The following USP33 variants were observed in gnomAD, a reference collection of about 807,000 sequenced individuals.
USP33 encodes ubiquitin specific peptidase 33, also known as ubiquitin carboxyl-terminal hydrolase 33.
USP33 carries 46 observed loss-of-function variants against 124.2 expected under a neutral mutation model. The ratio of observed to expected loss-of-function variants is 0.37; its 90% CI spans 0.29 to 0.47. USP33 has a LOEUF of 0.47. Among genes scored for constraint, USP33 ranks in the 20% least tolerant of loss-of-function variants. USP33 has a pLI of 0.99. For synonymous variants in USP33, 350 were observed against 352.3 expected (o/e 0.99, Z 0.07); for missense variants, 851 against 1,070.6 (o/e 0.79, Z 2.86).
chr1:77,700,997 C>T (rs952559704), intron 22 of USP33, among the ~76,000 whole-genome samples: 1 of 152,192 alleles, frequency 6.6e-6, no homozygotes, highest in African/African-American at 2.4e-5. Flanking sequence ...CCGTGCCTGG[C>T]ACATATCAGA....
chr1:77,735,474 A>C lies in USP33; in HGVS notation c.454+582T>G, dbSNP rs533554566. 9.8e-5 allele frequency among the ~76,000 whole-genome samples: 15 copies of C among 152,344 alleles called. No individual in the cohort carries two copies. The East Asian group carries it at 2.7e-3, about 27-fold the overall frequency. On this transcript the variant is annotated intron_variant, in intron 6 of 23. Transcript: ENST00000370794. The stretch of plus-strand genomic sequence containing the variant: ...TTAATGGGTTAAAACTGGGAAATAC[A>C]TAAAATATTTATAACTTATCTCTAG...
chr1:77,702,864 C>T (rs796384805), intron 21 of USP33, among the ~76,000 whole-genome samples: 3 of 151,696 alleles, frequency 2.0e-5, no homozygotes, highest in East Asian at 3.9e-4. Flanking sequence ...AAAAGAGGCT[C>T]GGGAAAATTA....
At chr1:77,734,466 C>G (rs751686354) in intron 6 of USP33, 50 bp from the exon 7 acceptor site, 1 of 1,243,618 alleles carries the variant, frequency 8.0e-7, no homozygotes, top group Non-Finnish European at 1.1e-6. Context: ...TGCAAAATGA[C>G]TCAATTTTAG....
chr1:77,720,821 G>C (rs1033699280), intron 15 of USP33, among the ~76,000 whole-genome samples: 1 of 152,124 alleles, frequency 6.6e-6, no homozygotes, highest in Non-Finnish European at 1.5e-5. Flanking sequence ...ATAACCTTTA[G>C]GAATTTTATG....
chr1:77,723,365 A>T lies in USP33; in HGVS notation c.1355T>A (p.Ile452Asn). Residue 452 changes from isoleucine (I) to asparagine (N), a missense_variant, in exon 12 of 24, where the codon ATC becomes AAC. By Grantham distance (149) the Ile-to-Asn change is moderately radical. This residue lies in a region of USP33 where 281 missense variants were observed against 425.0 expected (regional missense o/e 0.66). Coordinates refer to ENST00000370794, the MANE Select transcript of USP33 (RefSeq NM_201624.3). ...AGTCAGACACTGCACTGAACTAATGATTGTTCCATCAAATATGTCTGAAAT... is the reference window on the plus strand; with the variant it reads ...AGTCAGACACTGCACTGAACTAATGTTTGTTCCATCAAATATGTCTGAAAT... ...SVISDIFDGT[I>N]ISSVQCLTCD... is the part of the protein sequence containing the mutation. 1 of 1,613,238 alleles carries T rather than the reference A, an allele frequency of 6.2e-7. No homozygotes were observed. Among genetic ancestry groups the T allele is most frequent in the African/African-American group, 1.3e-5 (1 of 74,996 alleles).
rs1301332907 is a variant in USP33, at chr1:77,715,880, G to A, written c.1919-12C>T. 2.2e-5 allele frequency: 35 copies of A among 1,606,684 alleles called. No individual in the cohort carries two copies. The highest frequency in any genetic ancestry group is 2.7e-5 in the African/African-American group (2 of 74,678). On this transcript the variant is annotated splice_polypyrimidine_tract_variant and intron_variant, in intron 17 of 23. Coordinates refer to ENST00000370794, the MANE Select transcript of USP33 (RefSeq NM_201624.3). ...TATATAGTGTCCACCTGAATTTGAG[G>A]GAAAAGAAATCATTACAGTAATACA...
intron 19 of USP33, among the ~76,000 whole-genome samples, chr1:77,713,890 A>C (rs1286082899): frequency 6.6e-6 from 1 of 152,212 alleles, no homozygotes; most frequent in African/African-American, 2.4e-5. Flanking sequence ...AAGAACGGTA[A>C]TTATAAAGCA....
Position 77,723,313 on chromosome 1 carries a change from T to C in USP33, c.1389+18A>G, listed in dbSNP as rs1224943087. ...TTTGACACGAATTTTCTGTGTATTC[T>C]AATACCCTCATACTCACCCTGTCAC... On this transcript the variant is annotated intron_variant, in intron 12 of 23. Coordinates refer to ENST00000370794, the MANE Select transcript of USP33 (RefSeq NM_201624.3). 3 of 1,537,968 alleles carry C rather than the reference T, an allele frequency of 2.0e-6. No homozygotes were observed. Among genetic ancestry groups the C allele is most frequent in the South Asian group, 1.1e-5 (1 of 87,030 alleles).
At chr1:77,699,919 A>T (rs1245774098) in intron 22 of USP33, among the ~76,000 whole-genome samples, 1 of 152,192 alleles carries the variant, frequency 6.6e-6, no homozygotes, top group Non-Finnish European at 1.5e-5. Context: ...GGAAGCCATT[A>T]TCCTCAGCAA....
intron 21 of USP33, 107 bp downstream of exon 21, chr1:77,711,640 C>A: frequency 6.6e-7 from 1 of 1,511,604 alleles, no homozygotes; most frequent in South Asian, 1.4e-5. Flanking sequence ...CACTTGAAAT[C>A]TATTACAACT....
intron 17 of USP33, 126 bp from the exon 18 acceptor site, chr1:77,715,994 T>C (rs1675835969): frequency 1.9e-6 from 2 of 1,065,342 alleles, no homozygotes; most frequent in Non-Finnish European, 2.6e-6. Context: ...GCTTGTATTT[T>C]TTTTTCAGTT....
chr1:77,738,637 C>T (rs1360261319), intron 5 of USP33, among the ~76,000 whole-genome samples: 1 of 152,060 alleles, frequency 6.6e-6, no homozygotes. Context: ...CCCGCCACCA[C>T]ACCCGGCTAA....
At chr1:77,714,196 G>A (rs1031531778) in intron 19 of USP33, among the ~76,000 whole-genome samples, 1 of 152,090 alleles carries the variant, frequency 6.6e-6, no homozygotes, top group Non-Finnish European at 1.5e-5. Context: ...AGACAATGGG[G>A]TTAAGAACCA....
intron 1 of USP33, among the ~76,000 whole-genome samples, chr1:77,756,349 C>T (rs1469175247): frequency 6.6e-6 from 1 of 152,136 alleles, no homozygotes; most frequent in Non-Finnish European, 1.5e-5. Flanking sequence ...TTTTATTTCA[C>T]ATCTGGATTA....
intron 4 of USP33, 112 bp downstream of exon 4, chr1:77,740,765 A>T: frequency 1.3e-6 from 1 of 750,470 alleles, no homozygotes; most frequent in Non-Finnish European, 2.3e-6. Flanking sequence ...TGAAGTTTTA[A>T]CTTAGAGTGC....
At chr1:77,718,748 G>A (rs1963170) in intron 15 of USP33, 107 bp from the exon 16 acceptor site, 231,626 of 835,354 alleles carry the variant, frequency 0.28, 38,060 homozygotes, top group Admixed American at 0.43. Context: ...TGGCAAACAT[G>A]GTGAAATCCC....
chr1:77,737,071 A>G (rs553376931), intron 5 of USP33, among the ~76,000 whole-genome samples: 6 of 152,150 alleles, frequency 3.9e-5, no homozygotes, highest in East Asian at 1.9e-4. Flanking sequence ...ACTTTGAGCT[A>G]AAGTTTAAAA....
intron 12 of USP33, among the ~76,000 whole-genome samples, chr1:77,723,001 A>G (rs968147008): frequency 6.6e-6 from 1 of 152,248 alleles, no homozygotes; most frequent in Non-Finnish European, 1.5e-5. Context: ...ACAGATTCCC[A>G]GTATACAAAT....
chr1:77,712,778 A>G (rs1012117076), intron 20 of USP33, among the ~76,000 whole-genome samples: 1 of 152,072 alleles, frequency 6.6e-6, no homozygotes, highest in African/African-American at 2.4e-5. Context: ...GGACCACTGG[A>G]GCCTAGGAGG....
Sources: allele counts gnomAD v4.1 joint callset (sites outside exome capture counted in the v4.1 genomes callset), GRCh38; gene constraint gnomAD v4.1.1; regional missense constraint gnomAD v4.1.1; transcripts MANE v1.5; gene names NCBI Gene and HGNC (gene_info 2026-07-23, HGNC 2026-07-21).